Variants in SUGCT observed in about 807,000 individuals in gnomAD.
SUGCT encodes the protein succinyl-CoA:glutarate-CoA transferase.
SUGCT carries 41 observed loss-of-function variants against 55.0 expected under a neutral mutation model. The observed-to-expected ratio is 0.74, with a 90% confidence interval of 0.58 to 0.97. SUGCT has a LOEUF of 0.97. Among genes scored for constraint, SUGCT ranks in the 50% least tolerant of loss-of-function variants. The pLI is 0.00. For missense variants in SUGCT, 568 were observed against 547.8 expected (o/e 1.04, Z -0.37); for synonymous variants, 187 against 200.4 (o/e 0.93, Z 0.56).
intron 9 of SUGCT, among the ~76,000 whole-genome samples, chr7:40,362,864 T>C (rs561410017): frequency 6.6e-6 from 1 of 152,342 alleles, no homozygotes; most frequent in African/African-American, 2.4e-5. Flanking sequence ...TTAGCCATTC[T>C]ATTTCTAAAG....
chr7:40,673,200 A>T (rs1017133079), intron 12 of SUGCT, among the ~76,000 whole-genome samples: 2 of 152,042 alleles, frequency 1.3e-5, no homozygotes, highest in African/African-American at 4.8e-5. Context: ...CATGTCTGTT[A>T]TCTTCTTTCT....
In SUGCT at chr7:40,234,855, G is replaced by T. The variant is rs1788920605; in HGVS notation, c.485-2780G>T. 2.6e-5 allele frequency among the ~76,000 whole-genome samples: 4 copies of T among 151,918 alleles called. No individual in the cohort carries two copies. In the South Asian group the frequency reaches 8.3e-4, roughly 32 times the overall value. On this transcript the variant is annotated intron_variant, in intron 6 of 13. Transcript: ENST00000335693. ...ACACAGTCAGTCGAGGTTGCGGTGA[G>T]CCCCGACGGTGCCACTGCGCTCCGG...
the SUGCT span, among the ~76,000 whole-genome samples, chr7:40,886,380 A>G: frequency 6.6e-6 from 1 of 152,218 alleles, no homozygotes; most frequent in East Asian, 1.9e-4. Flanking sequence ...AGCTCCAAGA[A>G]GACAACACTA....
intron 9 of SUGCT, among the ~76,000 whole-genome samples, chr7:40,394,476 C>A (rs1785611016): frequency 6.6e-6 from 1 of 152,132 alleles, no homozygotes; most frequent in Non-Finnish European, 1.5e-5. Flanking sequence ...ACTTAATTGA[C>A]AAACATAAAT....
At chr7:40,370,513 C>T (rs1057268648) in intron 9 of SUGCT, among the ~76,000 whole-genome samples, 1 of 151,568 alleles carries the variant, frequency 6.6e-6, no homozygotes, top group African/African-American at 2.4e-5. Context: ...TAGAGATCCT[C>T]ACTTGCAGAG....
At chr7:40,838,315 G>A (rs1584514775) in intron 13 of SUGCT, among the ~76,000 whole-genome samples, 1 of 152,154 alleles carries the variant, frequency 6.6e-6, no homozygotes, top group Non-Finnish European at 1.5e-5. Context: ...CAGGGATTTT[G>A]ATAGGCATTA....
chr7:40,200,920 G>A (rs1185610293), intron 6 of SUGCT, among the ~76,000 whole-genome samples: 1 of 152,068 alleles, frequency 6.6e-6, no homozygotes, highest in African/African-American at 2.4e-5. Context: ...AATGGATGAG[G>A]CAAATTATTT....
intron 12 of SUGCT, among the ~76,000 whole-genome samples, chr7:40,581,661 G>C (rs1465785294): frequency 6.6e-6 from 1 of 152,068 alleles, no homozygotes; most frequent in Non-Finnish European, 1.5e-5. Flanking sequence ...TTTTTCCCCT[G>C]ATATCTATCA....
intron 12 of SUGCT, among the ~76,000 whole-genome samples, 197 bp from the exon 13 acceptor site, chr7:40,749,237 T>G (rs551182529): frequency 2.6e-5 from 4 of 152,356 alleles, no homozygotes; most frequent in African/African-American, 9.6e-5. Context: ...TCTAGTCTTT[T>G]TTGGCTTCAT....
At chr7:40,368,762 T>A (rs999773675) in intron 9 of SUGCT, among the ~76,000 whole-genome samples, 1 of 152,166 alleles carries the variant, frequency 6.6e-6, no homozygotes, top group East Asian at 1.9e-4. Context: ...TTTAGAGTAA[T>A]ATGGAGGCCT....
At chr7:40,882,764 T>G in the SUGCT span, among the ~76,000 whole-genome samples, 2 of 152,234 alleles carry the variant, frequency 1.3e-5, no homozygotes, top group Non-Finnish European at 2.9e-5. Context: ...TGGTTCAAGT[T>G]TGAAGTCAAG....
At chr7:40,396,222 C>G (rs1365884885) in intron 9 of SUGCT, among the ~76,000 whole-genome samples, 1 of 152,056 alleles carries the variant, frequency 6.6e-6, no homozygotes, top group Non-Finnish European at 1.5e-5. Flanking sequence ...ATTTGAAATG[C>G]CTTAATACAA....
At chr7:40,549,939 G>A (rs1261159329) in intron 12 of SUGCT, among the ~76,000 whole-genome samples, 2 of 152,174 alleles carry the variant, frequency 1.3e-5, no homozygotes, top group Admixed American at 6.5e-5. Flanking sequence ...ATGCAACTAG[G>A]AGAGGATTGT....
intron 8 of SUGCT, among the ~76,000 whole-genome samples, chr7:40,298,888 A>T (rs969755733): frequency 5.3e-5 from 8 of 152,124 alleles, no homozygotes; most frequent in African/African-American, 1.4e-4. Flanking sequence ...TTTCTTAAAA[A>T]TATATGATTA....
At chr7:40,529,501 A>G (rs1348818755) in intron 12 of SUGCT, among the ~76,000 whole-genome samples, 2 of 152,232 alleles carry the variant, frequency 1.3e-5, no homozygotes, top group African/African-American at 4.8e-5. Context: ...TTAATAAACC[A>G]GGGCAGACAA....
chr7:40,910,848 C>G, the SUGCT span, among the ~76,000 whole-genome samples: 2 of 152,066 alleles, frequency 1.3e-5, no homozygotes, highest in South Asian at 4.2e-4. Context: ...TTAATGATTT[C>G]CTTTTACATA....
chr7:40,889,107 G>A, the SUGCT span, among the ~76,000 whole-genome samples: 1 of 152,244 alleles, frequency 6.6e-6, no homozygotes, highest in African/African-American at 2.4e-5. Context: ...TAGGAAGAAG[G>A]CTGGTCCAGG....
At chr7:40,377,534 C>T (rs1206831404) in intron 9 of SUGCT, among the ~76,000 whole-genome samples, 10 of 152,148 alleles carry the variant, frequency 6.6e-5, no homozygotes, top group East Asian at 2.0e-4. Flanking sequence ...TGAGCTACCA[C>T]GCCCGGACTT....
At chr7:40,785,430 C>T (rs1361311392) in intron 13 of SUGCT, among the ~76,000 whole-genome samples, 3 of 152,156 alleles carry the variant, frequency 2.0e-5, no homozygotes, top group Non-Finnish European at 4.4e-5. Flanking sequence ...GGAGAATATA[C>T]ATTTGATACT....
Sources: gnomAD v4.1 joint callset for allele counts (sites outside exome capture counted in the v4.1 genomes callset) on GRCh38, gnomAD v4.1.1 for gene constraint, MANE v1.5 for transcripts, NCBI Gene and HGNC (gene_info 2026-07-23, HGNC 2026-07-21) for gene names.